Variants in NOSTRIN observed in about 807,000 individuals in gnomAD.
The protein encoded by NOSTRIN is BM247 homolog.
A neutral mutation model predicts 59.0 loss-of-function variants in NOSTRIN; 63 were observed. That is an observed-to-expected ratio of 1.07 (90% CI 0.87 to 1.32). The LOEUF (loss-of-function observed/expected upper bound fraction) is 1.32, where lower values mean the gene tolerates loss of function less well. Ranked by LOEUF, NOSTRIN falls within the 40% of genes most tolerant of loss-of-function variation. The pLI is 0.00. For missense variants in NOSTRIN, 512 were observed against 473.1 expected (o/e 1.08, Z -0.76); for synonymous variants, 200 against 165.4 (o/e 1.21, Z -1.61).
chr2:168,848,876 T>C (rs13405077), intron 8 of NOSTRIN, among the ~76,000 whole-genome samples: 3,083 of 152,270 alleles, frequency 0.02, 108 homozygotes, highest in African/African-American at 0.07. Context: ...GGTGTTTGCA[T>C]AATAATGTGA....
chr2:168,855,793 A>G (rs1198879268), intron 11 of NOSTRIN: 1 of 427,288 alleles, frequency 2.3e-6, no homozygotes, highest in East Asian at 6.5e-5. Context: ...TGGTCAACCA[A>G]CTGTGCATGA....
chr2:168,835,970 C>T (rs896906295), intron 7 of NOSTRIN, among the ~76,000 whole-genome samples: 2 of 152,214 alleles, frequency 1.3e-5, no homozygotes, highest in South Asian at 2.1e-4. Flanking sequence ...ATATCTTCTA[C>T]AAAAGATGAG....
At chr2:168,863,798 A>G (rs984380438) in intron 15 of NOSTRIN, 5 of 287,200 alleles carry the variant, frequency 1.7e-5, no homozygotes, top group African/African-American at 1.1e-4. Flanking sequence ...AAACACCAGC[A>G]TGTGAAACCC....
At chr2:168,850,752 AAATTCTCTGG>A (rs5836209) in intron 8 of NOSTRIN, 212,442 of 710,260 alleles carry the variant, frequency 0.3, 32,986 homozygotes, top group East Asian at 0.32. Flanking sequence ...ATCTCTACTG[AAATTCTCTGG>A]AATTCTCTGG....
chr2:168,805,368 G>T (rs567021556), intron 1 of NOSTRIN, among the ~76,000 whole-genome samples: 1 of 152,182 alleles, frequency 6.6e-6, no homozygotes, highest in East Asian at 1.9e-4. Flanking sequence ...ACAAGGAAAA[G>T]AATTGGCTCT....
intron 7 of NOSTRIN, among the ~76,000 whole-genome samples, chr2:168,835,271 G>T (rs1687655159): frequency 1.3e-5 from 2 of 152,060 alleles, no homozygotes; most frequent in Non-Finnish European, 2.9e-5. Context: ...TAGAGGCGAG[G>T]TGTCACCATG....
intron 2 of NOSTRIN, among the ~76,000 whole-genome samples, chr2:168,816,537 G>A (rs1686415771): frequency 6.6e-6 from 1 of 152,094 alleles, no homozygotes; most frequent in African/African-American, 2.4e-5. Context: ...ATTTGCACAG[G>A]CTGTATTGCC....
At chr2:168,842,929 T>C in intron 7 of NOSTRIN, 63 bp from the exon 8 acceptor site, 1 of 839,338 alleles carries the variant, frequency 1.2e-6, no homozygotes. Flanking sequence ...ATTATTACTA[T>C]GGAATTACAA....
chr2:168,848,214 A>G lies in NOSTRIN; in HGVS notation c.631-2870A>G, dbSNP rs1216016078. On this transcript the variant is annotated intron_variant, in intron 8 of 15. Transcript: ENST00000317647. ...ATGAGGCATATCGATTCTGCCTTTT[A>G]AGAAGCAAAACATTTGATAGGCTAT... is the stretch of plus-strand genomic sequence containing the variant. 2.0e-5 allele frequency among the ~76,000 whole-genome samples: 3 copies of G among 152,222 alleles called. 1 individual carries two copies. The highest frequency in any genetic ancestry group is 7.2e-5 in the African/African-American group (3 of 41,464).
chr2:168,787,394 CTCT>C (rs1442499653), intron 1 of NOSTRIN, among the ~76,000 whole-genome samples: 5 of 152,324 alleles, frequency 3.3e-5, no homozygotes, highest in East Asian at 3.9e-4. Context: ...GACCTCTTTC[CTCT>C]TCTTCTTCAT....
At chr2:168,856,273 C>G (rs1359361402) in intron 11 of NOSTRIN, 1 of 225,522 alleles carries the variant, frequency 4.4e-6, no homozygotes, top group African/African-American at 2.3e-5. Flanking sequence ...ACTCCCTCAG[C>G]CATTTAAGAA....
At chr2:168,834,539 A>C (rs1003909051) in intron 7 of NOSTRIN, among the ~76,000 whole-genome samples, 1 of 149,328 alleles carries the variant, frequency 6.7e-6, no homozygotes, top group South Asian at 2.2e-4. Flanking sequence ...ACACACACAC[A>C]CACCACATAC....
chr2:168,816,789 G>A (rs1479100505), intron 2 of NOSTRIN, among the ~76,000 whole-genome samples: 1 of 152,160 alleles, frequency 6.6e-6, no homozygotes, highest in Non-Finnish European at 1.5e-5. Flanking sequence ...GGGTCTTTGT[G>A]TCCCACGTGA....
At position 168,864,919 on chromosome 2, in the gene NOSTRIN, T is replaced by C. The variant is rs760514633; in HGVS notation, c.1470T>C (p.Ala490=). 1.2e-6 allele frequency: 2 copies of C among 1,614,108 alleles called. No individual in the cohort carries two copies. The highest frequency in any genetic ancestry group is 3.3e-5 in the Admixed American group (2 of 60,026). ...GGAAAAAAGGCCATTTTCCTGCCGC[T>C]TATGTGGAGGAGTTACCTTCAAATG... ...LNGKKGHFPA[A]YVEELPSNAG... Residue 490 remains alanine (A), a synonymous_variant, in exon 16 of 16, where the codon GCT becomes GCC. Transcript: ENST00000317647.
intron 1 of NOSTRIN, among the ~76,000 whole-genome samples, chr2:168,804,487 G>C (rs899648683): frequency 6.6e-5 from 10 of 152,180 alleles, no homozygotes; most frequent in Admixed American, 5.9e-4. Context: ...CACATTCTTA[G>C]CTTGTACTTG....
intron 12 of NOSTRIN, 133 bp downstream of exon 12, chr2:168,856,911 A>T: frequency 2.7e-6 from 2 of 743,040 alleles, no homozygotes; most frequent in Non-Finnish European, 4.5e-6. Flanking sequence ...GGGGGAGCTT[A>T]TAGGGTCAGC....
rs1393865479 is a variant in NOSTRIN, at chr2:168,823,013, G to A, written c.114-1621G>A. ...GTTCCTTACTAGTTGTATTACTTTT[G>A]TTTTTGTTTTTGTTTTTGTTTGAGA... is the stretch of plus-strand genomic sequence containing the variant. On this transcript the variant is annotated intron_variant, in intron 2 of 15. Coordinates refer to ENST00000317647, the MANE Select transcript of NOSTRIN (RefSeq NM_001039724.4). Among the ~76,000 whole-genome samples, 6 of 152,034 alleles carry A rather than the reference G, an allele frequency of 3.9e-5. No homozygotes were observed. In the South Asian group the frequency reaches 6.2e-4, roughly 16 times the overall value.
chr2:168,828,310 C>T, intron 4 of NOSTRIN, 90 bp downstream of exon 4: 1 of 868,430 alleles, frequency 1.2e-6, no homozygotes, highest in Non-Finnish European at 2.0e-6. Flanking sequence ...TTCCAACTTG[C>T]ACTGAATAGG....
intron 7 of NOSTRIN, among the ~76,000 whole-genome samples, chr2:168,835,348 G>C (rs1687659418): frequency 6.6e-6 from 1 of 152,050 alleles, no homozygotes; most frequent in African/African-American, 2.4e-5. Context: ...CAAAGTGCTG[G>C]GATTATAGGC....
Sources: gnomAD v4.1 joint callset for allele counts (sites outside exome capture counted in the v4.1 genomes callset) on GRCh38, gnomAD v4.1.1 for gene constraint, MANE v1.5 for transcripts, NCBI Gene and HGNC (gene_info 2026-07-23, HGNC 2026-07-21) for gene names.